Variants in GLIS3 observed in about 807,000 individuals in gnomAD.
GLIS3 encodes the protein zinc finger protein GLIS3.
In GLIS3, 53 loss-of-function variants were observed where a neutral mutation model predicts 78.6. The observed-to-expected ratio is 0.67, with a 90% CI of 0.54 to 0.85. The LOEUF (loss-of-function observed/expected upper bound fraction) is 0.85, where lower values mean the gene tolerates loss of function less well. Among genes scored for constraint, GLIS3 ranks in the 40% least tolerant of loss-of-function variants. The pLI, the probability that GLIS3 is intolerant of heterozygous loss-of-function variation, is 0.00. For synonymous variants in GLIS3, 684 were observed against 509.9 expected (o/e 1.34, Z -4.60); for missense variants, 1,703 against 1,231.1 (o/e 1.38, Z -5.74).
At chr9:4,042,896 G>A (rs945738788) in intron 4 of GLIS3, among the ~76,000 whole-genome samples, 3 of 150,684 alleles carry the variant, frequency 2.0e-5, no homozygotes, top group Admixed American at 1.3e-4. Flanking sequence ...ACATTATTAT[G>A]AGCAGAATGC....
chr9:4,153,619 A>C (rs1834844009), intron 2 of GLIS3, among the ~76,000 whole-genome samples: 1 of 152,200 alleles, frequency 6.6e-6, no homozygotes, highest in Non-Finnish European at 1.5e-5. Context: ...TAAATAAAGA[A>C]AGAGAACAGA....
At position 3,843,203 on chromosome 9, in the gene GLIS3, G is replaced by C. The variant is rs536138004; in HGVS notation, c.2473+12806C>G. ...CACATTACATCCGCTTTACTAACTAGGTGATTTTTTGCTTCTTCGAATCCG... is the reference window on the plus strand; with the variant it reads ...CACATTACATCCGCTTTACTAACTACGTGATTTTTTGCTTCTTCGAATCCG... On this transcript the variant is annotated intron_variant, in intron 9 of 10. Transcript: ENST00000381971. Among the ~76,000 whole-genome samples the C allele has an allele frequency of 4.6e-5, 7 of 152,272 alleles. 1 individual carries two copies. The South Asian group carries it at 1.5e-3, about 32-fold the overall frequency.
intron 4 of GLIS3, among the ~76,000 whole-genome samples, chr9:4,104,229 C>T (rs563009302): frequency 8.0e-4 from 122 of 152,200 alleles, no homozygotes; most frequent in African/African-American, 2.7e-3. Context: ...CAAAATCAAC[C>T]GATCTGCTTC....
At chr9:4,081,726 C>T (rs1326360937) in intron 4 of GLIS3, among the ~76,000 whole-genome samples, 1 of 152,192 alleles carries the variant, frequency 6.6e-6, no homozygotes, top group Non-Finnish European at 1.5e-5. Flanking sequence ...GACTCTGAAT[C>T]GGATGCATCT....
At chr9:4,002,392 A>G (rs1372121758) in intron 4 of GLIS3, among the ~76,000 whole-genome samples, 1 of 152,208 alleles carries the variant, frequency 6.6e-6, no homozygotes, top group African/African-American at 2.4e-5. Context: ...TGAAGCCACT[A>G]AATGTGTGAT....
chr9:4,340,841 G>C (rs1373512717), intron 2 of GLIS3, among the ~76,000 whole-genome samples: 1 of 152,118 alleles, frequency 6.6e-6, no homozygotes, highest in Admixed American at 6.5e-5. Flanking sequence ...GATTATAGGT[G>C]TGGGTGACCC....
chr9:4,380,850 G>A, the GLIS3 span, among the ~76,000 whole-genome samples: 2,960 of 152,296 alleles, frequency 0.019, 51 homozygotes, highest in Non-Finnish European at 0.027. Context: ...AGAAGAGAAG[G>A]ACTCCCTGCA....
chr9:4,435,270 T>C, the GLIS3 span, among the ~76,000 whole-genome samples: 1 of 152,222 alleles, frequency 6.6e-6, no homozygotes, highest in Non-Finnish European at 1.5e-5. Context: ...CTCAGAATTA[T>C]AATGGATTGT....
intron 2 of GLIS3, among the ~76,000 whole-genome samples, chr9:4,324,368 A>G (rs1817573549): frequency 6.6e-6 from 1 of 152,118 alleles, no homozygotes; most frequent in Admixed American, 6.5e-5. Context: ...AAGTTACTTA[A>G]CTTCTTTCAA....
intron 8 of GLIS3, among the ~76,000 whole-genome samples, chr9:3,876,693 G>GGGAGGGGAAGGGAGGGA (rs143762391): frequency 4.3e-3 from 2 of 464 alleles, no homozygotes; most frequent in Non-Finnish European, 6.8e-3. Context: ...AAGGGAGGGA[G>GGGAGGGGAAGGGAGGGA]GGGAGGGAGG....
intron 8 of GLIS3, among the ~76,000 whole-genome samples, chr9:3,874,487 A>G (rs1821171586): frequency 6.6e-6 from 1 of 152,210 alleles, no homozygotes; most frequent in African/African-American, 2.4e-5. Context: ...CCAGCAAATT[A>G]ATAGAACCGG....
At chr9:4,226,948 G>C (rs1325667443) in intron 2 of GLIS3, among the ~76,000 whole-genome samples, 1 of 152,196 alleles carries the variant, frequency 6.6e-6, no homozygotes, top group Non-Finnish European at 1.5e-5. Flanking sequence ...CTTAAGAGGT[G>C]CATAGCTGAT....
At chr9:3,830,089 GTTATGAAA>G (rs1817959483) in intron 9 of GLIS3, among the ~76,000 whole-genome samples, 1 of 152,154 alleles carries the variant, frequency 6.6e-6, no homozygotes, top group African/African-American at 2.4e-5. Context: ...AGTGAATAAT[GTTATGAAA>G]ATGTTAGAAA....
intron 7 of GLIS3, among the ~76,000 whole-genome samples, chr9:3,883,748 A>G (rs1232745717): frequency 6.6e-6 from 1 of 152,244 alleles, no homozygotes; most frequent in African/African-American, 2.4e-5. Flanking sequence ...AGGGCTTCTA[A>G]GTGAACTTCC....
intron 2 of GLIS3, among the ~76,000 whole-genome samples, chr9:4,282,839 T>C (rs564457872): frequency 1.3e-5 from 2 of 152,242 alleles, no homozygotes; most frequent in South Asian, 2.1e-4. Flanking sequence ...AAGAGTCCCA[T>C]GTTCCATCAG....
intron 4 of GLIS3, among the ~76,000 whole-genome samples, chr9:4,044,858 G>C (rs1005156515): frequency 6.6e-6 from 1 of 152,188 alleles, no homozygotes; most frequent in African/African-American, 2.4e-5. Flanking sequence ...ACACCATCTT[G>C]AAAGTCCCCC....
chr9:4,175,226 C>T (rs868161592), intron 2 of GLIS3, among the ~76,000 whole-genome samples: 6 of 152,320 alleles, frequency 3.9e-5, no homozygotes, highest in Middle Eastern at 3.4e-3. Flanking sequence ...TTATTAAAAG[C>T]AAATGCACTG....
rs903917694 is a variant in GLIS3 at position 4,204,721 on chromosome 9, C to A, written c.389-78780G>T. On this transcript the variant is annotated intron_variant, in intron 2 of 10. Transcript: ENST00000381971. ...CTGCCTGAGCTCAGGAGTTTGAGAC[C>A]AGCCTGGGCAACTCAAACCGTGTCT... 8.8e-4 allele frequency among the ~76,000 whole-genome samples: 134 copies of A among 152,166 alleles called. 1 individual carries two copies. The highest frequency in any genetic ancestry group is 2.1e-4 in the South Asian group (1 of 4,818).
At chr9:4,275,313 G>A (rs1034929431) in intron 2 of GLIS3, among the ~76,000 whole-genome samples, 1 of 152,202 alleles carries the variant, frequency 6.6e-6, no homozygotes, top group African/African-American at 2.4e-5. Flanking sequence ...GGAAACGACA[G>A]CTGAATGGTT....
Sources: gnomAD v4.1 joint callset for allele counts (sites outside exome capture counted in the v4.1 genomes callset) on GRCh38, gnomAD v4.1.1 for gene constraint, MANE v1.5 for transcripts, NCBI Gene and HGNC (gene_info 2026-07-23, HGNC 2026-07-21) for gene names.